Variants in CACNA2D1 observed in about 807,000 individuals in gnomAD.
CACNA2D1 encodes voltage-dependent calcium channel subunit alpha-2/delta-1.
In CACNA2D1, 53 loss-of-function variants were observed where a neutral mutation model predicts 171.5. The ratio of observed to expected loss-of-function variants is 0.31; its 90% CI spans 0.25 to 0.39. The LOEUF is 0.39. CACNA2D1 is among the 10% of genes least tolerant of loss of function. CACNA2D1 has a pLI of 1.00. For synonymous variants in CACNA2D1, 442 were observed against 443.1 expected, an observed-to-expected ratio of 1.00 and a Z score of 0.03; for missense variants, 903 against 1,299.8, an observed-to-expected ratio of 0.69 and a Z score of 4.69.
intron 1 of CACNA2D1, among the ~76,000 whole-genome samples, chr7:82,404,077 A>G (rs1260158975): frequency 2.0e-5 from 3 of 152,236 alleles, no homozygotes; most frequent in Non-Finnish European, 2.9e-5. Context: ...CTCTTCCTCT[A>G]TCTGCCTCTC....
At chr7:82,286,928 A>C (rs1396527523) in intron 3 of CACNA2D1, among the ~76,000 whole-genome samples, 1 of 152,190 alleles carries the variant, frequency 6.6e-6, no homozygotes, top group African/African-American at 2.4e-5. Context: ...TCAAAAGCAC[A>C]GCAGGTCCAG....
intron 18 of CACNA2D1, among the ~76,000 whole-genome samples, chr7:82,001,325 G>A (rs1237517266): frequency 6.6e-6 from 1 of 152,070 alleles, no homozygotes; most frequent in Non-Finnish European, 1.5e-5. Context: ...CAATTTACAA[G>A]CAAATTGTTA....
At chr7:82,003,830 C>T (rs1198756445) in intron 18 of CACNA2D1, among the ~76,000 whole-genome samples, 4 of 151,426 alleles carry the variant, frequency 2.6e-5, no homozygotes, top group Admixed American at 6.6e-5. Context: ...CTGCAACCTC[C>T]GCCTCCCGGG....
intron 3 of CACNA2D1, among the ~76,000 whole-genome samples, chr7:82,293,569 C>T (rs1331676871): frequency 6.6e-6 from 1 of 152,092 alleles, no homozygotes; most frequent in East Asian, 1.9e-4. Context: ...CTTTCTAATT[C>T]TAGGATTCAA....
At chr7:82,001,615 G>C in intron 18 of CACNA2D1, 1 of 722,286 alleles carries the variant, frequency 1.4e-6, no homozygotes, top group Non-Finnish European at 2.1e-6. Context: ...CTTGGATTTA[G>C]CAAATTTGAA....
intron 3 of CACNA2D1, among the ~76,000 whole-genome samples, chr7:82,326,847 C>G (rs918870630): frequency 1.8e-5 from 2 of 108,690 alleles, no homozygotes; most frequent in African/African-American, 5.8e-5. Context: ...GTTTCAAATA[C>G]TTCAACTACC....
At chr7:82,269,460 T>C (rs1585282343) in intron 3 of CACNA2D1, among the ~76,000 whole-genome samples, 1 of 152,130 alleles carries the variant, frequency 6.6e-6, no homozygotes, top group Non-Finnish European at 1.5e-5. Flanking sequence ...CTTCATAACT[T>C]TGCATTGTGT....
intron 5 of CACNA2D1, among the ~76,000 whole-genome samples, chr7:82,124,658 A>T (rs1790130994): frequency 6.6e-6 from 1 of 152,116 alleles, no homozygotes; most frequent in Non-Finnish European, 1.5e-5. Flanking sequence ...GGAGCTCTTG[A>T]TCCACTTGCT....
chr7:82,052,117 G>A (rs568743732), intron 10 of CACNA2D1, among the ~76,000 whole-genome samples: 46 of 152,252 alleles, frequency 3.0e-4, no homozygotes, highest in Non-Finnish European at 5.6e-4. Flanking sequence ...GCAACTTTGG[G>A]AAAGTGTTAA....
intron 3 of CACNA2D1, among the ~76,000 whole-genome samples, chr7:82,202,355 C>G (rs916314169): frequency 2.0e-5 from 3 of 152,132 alleles, no homozygotes; most frequent in African/African-American, 7.2e-5. Flanking sequence ...GAACCTGACA[C>G]TTGGTATAGC....
chr7:82,111,464 T>G, intron 6 of CACNA2D1, among the ~76,000 whole-genome samples: 1 of 124,918 alleles, frequency 8.0e-6, no homozygotes, highest in Non-Finnish European at 1.6e-5. Context: ...TTTTTTTTTT[T>G]TGAGACAGGG....
intron 24 of CACNA2D1, 39 bp from the exon 25 acceptor site, chr7:81,974,591 C>CAGGTCATTGCAGTAATCTCTGAAAA: frequency 9.6e-7 from 1 of 1,041,156 alleles, no homozygotes; most frequent in Non-Finnish European, 1.5e-6. Context: ...ATATTAAAAT[C>CAGGTCATTGCAGTAATCTCTGAAAA]AAAACTTTAC....
At chr7:82,274,636 T>G (rs1381802688) in intron 3 of CACNA2D1, among the ~76,000 whole-genome samples, 1 of 152,116 alleles carries the variant, frequency 6.6e-6, no homozygotes, top group East Asian at 1.9e-4. Flanking sequence ...TTATTCTTAT[T>G]TAAGTGCAAA....
At chr7:82,345,102 T>A (rs1313604291) in intron 2 of CACNA2D1, among the ~76,000 whole-genome samples, 3 of 152,038 alleles carry the variant, frequency 2.0e-5, no homozygotes, top group Non-Finnish European at 4.4e-5. Flanking sequence ...TATTAAACTC[T>A]CCGCCACCTA....
intron 18 of CACNA2D1, chr7:82,001,659 C>T: frequency 8.2e-7 from 1 of 1,217,868 alleles, no homozygotes; most frequent in South Asian, 1.2e-5. Flanking sequence ...TCACAGTTAC[C>T]TGGATATTGG....
At chr7:82,170,142 T>C (rs1436672358) in intron 4 of CACNA2D1, among the ~76,000 whole-genome samples, 3 of 151,958 alleles carry the variant, frequency 2.0e-5, no homozygotes, top group African/African-American at 7.2e-5. Context: ...ATCAAGGTGA[T>C]TATAATATGT....
At chr7:82,406,571 T>C (rs2129453187) in intron 1 of CACNA2D1, among the ~76,000 whole-genome samples, 1 of 152,336 alleles carries the variant, frequency 6.6e-6, no homozygotes, top group East Asian at 1.9e-4. Flanking sequence ...GCTGACTTTT[T>C]AATGATTGCC....
At chr7:82,247,770 A>T (rs939741620) in intron 3 of CACNA2D1, among the ~76,000 whole-genome samples, 3 of 152,212 alleles carry the variant, frequency 2.0e-5, no homozygotes, top group African/African-American at 7.2e-5. Flanking sequence ...ATGTTTTAAC[A>T]TTATCAATTC....
chr7:82,222,754 C>T (rs1057006572), intron 3 of CACNA2D1, among the ~76,000 whole-genome samples: 1 of 151,444 alleles, frequency 6.6e-6, no homozygotes, highest in Non-Finnish European at 1.5e-5. Context: ...TTTTTTTATC[C>T]CAAGCATGTA....
Sources: allele counts gnomAD v4.1 joint callset (sites outside exome capture counted in the v4.1 genomes callset), GRCh38; gene constraint gnomAD v4.1.1; transcripts MANE v1.5; gene names NCBI Gene and HGNC (gene_info 2026-07-23, HGNC 2026-07-21).